PGBD2: variants seen among roughly 807,000 people sequenced by gnomAD.
PGBD2 encodes piggyBac transposable element derived 2.
Under a neutral mutation model 8.1 loss-of-function variants are expected in PGBD2, and 6 were observed. The observed-to-expected ratio is 0.74, with a 90% CI of 0.40 to 1.46. PGBD2 has a LOEUF of 1.46. PGBD2 is among the 40% of genes most tolerant of loss of function. PGBD2 has a pLI of 0.02. For synonymous variants in PGBD2, 318 were observed against 272.2 expected (o/e 1.17, Z -1.66); for missense variants, 802 against 739.0 (o/e 1.09, Z -0.99).
At chr1:248,922,677 A>AT (rs1214708017), downstream of PGBD2, among the ~76,000 whole-genome samples, 1 of 152,138 alleles carries the variant, frequency 6.6e-6, no homozygotes, top group Non-Finnish European at 1.5e-5. Flanking sequence ...GGGCTGTTGA[A>AT]TTTTGTTGAA....
At chr1:248,879,626 C>CCG in the PGBD2 span, among the ~76,000 whole-genome samples, 1 of 152,212 alleles carries the variant, frequency 6.6e-6, no homozygotes, top group Non-Finnish European at 1.5e-5. Flanking sequence ...TCTCCAACTC[C>CCG]TGTGCTTAAG....
In PGBD2 at chr1:248,918,081, G is replaced by A. The variant is rs1358775108; in HGVS notation, c.1497G>A (p.Trp499Ter). 6.2e-7 allele frequency: 1 copy of A among 1,614,210 alleles called. No individual in the cohort carries two copies. The highest frequency in any genetic ancestry group is 2.2e-5 in the East Asian group (1 of 44,892). ...TTGATGCTGCCCTCAACAATGCATG[G>A]CAGCTGCATAGAATCTGCTGCCAAG... ...YVIDAALNNA[W>*]QLHRICCQDA... Residue 499 changes from tryptophan to a stop codon, truncating the protein, a stop_gained, in exon 3 of 3, where the codon TGG (tryptophan) becomes TGA (stop). Transcript: ENST00000329291. LOFTEE classifies it low-confidence loss of function (END_TRUNC).
chr1:248,904,073 TG>T (rs983984382), upstream of PGBD2, among the ~76,000 whole-genome samples: 1 of 134,456 alleles, frequency 7.4e-6, no homozygotes, highest in Non-Finnish European at 1.5e-5. Context: ...CTTCTTTTTA[TG>T]TTTTTTTTTT....
At chr1:248,910,392 C>G (rs958982455) in intron 1 of PGBD2, among the ~76,000 whole-genome samples, 6 of 152,142 alleles carry the variant, frequency 3.9e-5, no homozygotes, top group African/African-American at 1.4e-4. Flanking sequence ...GGAATCCAGG[C>G]CTGTTGTGTC....
the PGBD2 span, among the ~76,000 whole-genome samples, chr1:248,877,852 G>C: frequency 6.6e-6 from 1 of 152,210 alleles, no homozygotes; most frequent in African/African-American, 2.4e-5. Context: ...CTGATGGCTA[G>C]AAGTGATGTT....
At chr1:248,923,716 T>G (rs527358504), downstream of PGBD2, among the ~76,000 whole-genome samples, 1 of 152,382 alleles carries the variant, frequency 6.6e-6, no homozygotes. Flanking sequence ...TCGTATGTGT[T>G]AAATTTGGCT....
the PGBD2 span, among the ~76,000 whole-genome samples, chr1:248,927,579 A>G: frequency 6.6e-6 from 1 of 152,186 alleles, no homozygotes; most frequent in East Asian, 1.9e-4. Context: ...GTAGCCAGAG[A>G]CATTATATAA....
In PGBD2 at chr1:248,908,348, C is replaced by A. The variant is rs118186213; in HGVS notation, c.-48+2006C>A. On this transcript the variant is annotated intron_variant, in intron 1 of 2. Coordinates refer to ENST00000329291, the MANE Select transcript of PGBD2 (RefSeq NM_170725.3). ...GAGAATGCCCAGTTGGACCTCTGGG[C>A]AGCTCGTGACCACCCTCTGCTCTTC... Among the ~76,000 whole-genome samples the A allele has an allele frequency of 2.6e-5, 4 of 152,244 alleles. No individual in the cohort carries two copies. The East Asian group carries it at 7.7e-4, about 29-fold the overall frequency.
At chr1:248,874,330 T>G in the PGBD2 span, among the ~76,000 whole-genome samples, 2 of 152,174 alleles carry the variant, frequency 1.3e-5, no homozygotes, top group Non-Finnish European at 1.5e-5. Context: ...GTAAGCCGTT[T>G]TAAAAACTGT....
chr1:248,917,830 A>G lies in PGBD2; in HGVS notation c.1246A>G (p.Ser416Gly). The G allele has an allele frequency of 6.2e-7, 1 of 1,614,226 alleles. No individual in the cohort carries two copies. The highest frequency in any genetic ancestry group is 8.5e-7 in the Non-Finnish European group (1 of 1,180,044). Reference sequence around the variant, plus strand: ...GATCATCGTGTGCCGCTGGCACGATAGCAGCGTGGTCAACATTTGCTCCAA... The same window carrying G: ...GATCATCGTGTGCCGCTGGCACGATGGCAGCGTGGTCAACATTTGCTCCAA... ...EEIIVCRWHDSSVVNICSNAV... is the reference protein window; with the variant it reads ...EEIIVCRWHDGSVVNICSNAV... The change falls in exon 3 of 3, where the codon AGC becomes GGC. Residue 416 changes from serine (S) to glycine (G), a missense_variant. Coordinates refer to ENST00000329291, the MANE Select transcript of PGBD2 (RefSeq NM_170725.3).
chr1:248,920,982 G>T (rs1662274858), downstream of PGBD2, among the ~76,000 whole-genome samples: 1 of 147,804 alleles, frequency 6.8e-6, no homozygotes, highest in African/African-American at 2.6e-5. Context: ...CCTACTTTTT[G>T]ATGGTTTTTT....
At chr1:248,915,095 A>T (rs1662046670) in intron 2 of PGBD2, among the ~76,000 whole-genome samples, 1 of 152,206 alleles carries the variant, frequency 6.6e-6, no homozygotes, top group Non-Finnish European at 1.5e-5. Flanking sequence ...CCTTTGTTGC[A>T]TTCTGTCCTT....
intron 2 of PGBD2, 93 bp from the exon 3 acceptor site, chr1:248,916,509 A>C (rs903510008): frequency 5.0e-5 from 51 of 1,029,226 alleles, no homozygotes; most frequent in Admixed American, 9.7e-5. Flanking sequence ...ATTCAAGTGG[A>C]AGTGTTTTAT....
chr1:248,923,196 G>A (rs1005721235), downstream of PGBD2, among the ~76,000 whole-genome samples: 1 of 152,162 alleles, frequency 6.6e-6, no homozygotes, highest in African/African-American at 2.4e-5. Context: ...GAGGGTGTAT[G>A]TGTCCAGTAA....
the PGBD2 span, among the ~76,000 whole-genome samples, chr1:248,929,268 G>A: frequency 2.0e-5 from 3 of 152,088 alleles, no homozygotes; most frequent in African/African-American, 7.2e-5. Flanking sequence ...GTAGGGAATC[G>A]TTCTGCCATC....
intron 1 of PGBD2, 63 bp downstream of exon 1, chr1:248,906,405 T>G (rs115905285): frequency 0.02 from 2,989 of 151,578 alleles, 99 homozygotes; most frequent in African/African-American, 0.068. Flanking sequence ...TGGTTGGCGT[T>G]GATGTTGCGT....
the PGBD2 span, among the ~76,000 whole-genome samples, chr1:248,874,313 C>A: frequency 4.6e-5 from 7 of 152,136 alleles, no homozygotes; most frequent in Non-Finnish European, 1.0e-4. Flanking sequence ...GATTCCCGGT[C>A]AGGAAAGTAA....
the PGBD2 span, among the ~76,000 whole-genome samples, chr1:248,891,686 C>T: frequency 2.6e-5 from 4 of 152,084 alleles, no homozygotes; most frequent in African/African-American, 9.7e-5. Context: ...AAAAATCAGC[C>T]AGGCACAGAT....
chr1:248,922,702 C>T (rs562437535), downstream of PGBD2, among the ~76,000 whole-genome samples: 59 of 152,274 alleles, frequency 3.9e-4, no homozygotes, highest in African/African-American at 1.4e-3. Context: ...TTTTCTGCAT[C>T]TATAGAGATA....
Sources: gnomAD v4.1 joint callset for allele counts (sites outside exome capture counted in the v4.1 genomes callset) on GRCh38, gnomAD v4.1.1 for gene constraint, MANE v1.5 for transcripts, NCBI Gene and HGNC (gene_info 2026-07-23, HGNC 2026-07-21) for gene names.